Variants in PID1 observed in about 807,000 individuals in gnomAD.
PID1 encodes the protein PTB-containing, cubilin and LRP1-interacting protein.
In PID1, 10 loss-of-function variants were observed where a neutral mutation model predicts 19.1. The ratio of observed to expected loss-of-function variants is 0.52; its 90% CI spans 0.32 to 0.89. The LOEUF is 0.89. PID1 is among the 40% of genes least tolerant of loss of function. The pLI is 0.03. For missense variants in PID1, 248 were observed against 285.3 expected, an observed-to-expected ratio of 0.87 and a Z score of 0.94; for synonymous variants, 130 against 116.0, an observed-to-expected ratio of 1.12 and a Z score of -0.78.
chr2:229,137,828 T>C (rs770222323), intron 2 of PID1, among the ~76,000 whole-genome samples: 1 of 152,166 alleles, frequency 6.6e-6, no homozygotes, highest in African/African-American at 2.4e-5. Flanking sequence ...CATACACACA[T>C]CAAGGCCATT....
chr2:229,028,835 C>G (rs1693482325), intron 2 of PID1, among the ~76,000 whole-genome samples: 1 of 152,132 alleles, frequency 6.6e-6, no homozygotes. Context: ...GAGCTGTTGC[C>G]CAAACAATTT....
At chr2:229,181,726 C>A (rs746084663) in intron 1 of PID1, among the ~76,000 whole-genome samples, 1 of 151,880 alleles carries the variant, frequency 6.6e-6, no homozygotes, top group South Asian at 2.1e-4. Flanking sequence ...TGACATGCTG[C>A]TTTATTTCTC....
chr2:229,196,852 T>C (rs774111124), intron 1 of PID1, among the ~76,000 whole-genome samples: 1 of 152,114 alleles, frequency 6.6e-6, no homozygotes, highest in African/African-American at 2.4e-5. Context: ...ATGCATTTCC[T>C]AGGGCAGACA....
chr2:229,081,733 C>T (rs983304271), intron 2 of PID1, among the ~76,000 whole-genome samples: 7 of 152,094 alleles, frequency 4.6e-5, no homozygotes, highest in African/African-American at 1.7e-4. Context: ...CAAGGGAAGC[C>T]AAGGAGTGCA....
chr2:229,079,020 C>T (rs1165459539), intron 2 of PID1, among the ~76,000 whole-genome samples: 3 of 152,106 alleles, frequency 2.0e-5, no homozygotes, highest in African/African-American at 7.2e-5. Context: ...CAAAGTAGAA[C>T]TGTATGTAAT....
intron 1 of PID1, among the ~76,000 whole-genome samples, chr2:229,188,196 G>C (rs1430645948): frequency 2.0e-5 from 3 of 151,792 alleles, no homozygotes; most frequent in African/African-American, 7.3e-5. Flanking sequence ...AGTTGACTCT[G>C]ACCTATCCTG....
At chr2:229,149,680 G>A (rs1206792633) in intron 2 of PID1, among the ~76,000 whole-genome samples, 1 of 152,202 alleles carries the variant, frequency 6.6e-6, no homozygotes, top group Non-Finnish European at 1.5e-5. Context: ...TGGTTTGTTT[G>A]ACAGTTACCC....
intron 1 of PID1, chr2:229,231,847 C>T: frequency 6.5e-7 from 1 of 1,542,720 alleles, no homozygotes; most frequent in Non-Finnish European, 8.7e-7. Context: ...ACCTCCTTGT[C>T]TTAATCTGTT....
intron 1 of PID1, among the ~76,000 whole-genome samples, chr2:229,260,817 ATTT>A (rs66533277): frequency 4.1e-4 from 47 of 114,638 alleles, no homozygotes; most frequent in Middle Eastern, 4.4e-3. Flanking sequence ...TCTGATTGCC[ATTT>A]TTTTTTTTTT....
intron 1 of PID1, among the ~76,000 whole-genome samples, chr2:229,243,096 G>A (rs989668364): frequency 1.3e-5 from 2 of 152,132 alleles, no homozygotes; most frequent in Non-Finnish European, 2.9e-5. Flanking sequence ...GGCTGGGGAG[G>A]CCTCACAATC....
chr2:229,248,235 T>C (rs986394045), intron 1 of PID1, among the ~76,000 whole-genome samples: 7 of 152,230 alleles, frequency 4.6e-5, no homozygotes, highest in Admixed American at 3.3e-4. Flanking sequence ...TCATGTCTAC[T>C]CAATCTGGAC....
chr2:229,263,825 T>C (rs1373591808), intron 1 of PID1, among the ~76,000 whole-genome samples: 2 of 152,226 alleles, frequency 1.3e-5, no homozygotes, highest in African/African-American at 4.8e-5. Context: ...ACCAGTCTGC[T>C]GGCTATGAAC....
intron 2 of PID1, among the ~76,000 whole-genome samples, chr2:229,154,758 A>G (rs1310845541): frequency 6.6e-6 from 1 of 152,234 alleles, no homozygotes; most frequent in Non-Finnish European, 1.5e-5. Context: ...TATGAAAGAA[A>G]TCCATATACA....
At chr2:229,135,838 G>A (rs959500872) in intron 2 of PID1, among the ~76,000 whole-genome samples, 4 of 152,284 alleles carry the variant, frequency 2.6e-5, no homozygotes, top group Middle Eastern at 3.4e-3. Flanking sequence ...CAGATTATTA[G>A]CAACATGCTC....
chr2:229,133,676 T>C (rs572580276), intron 2 of PID1, among the ~76,000 whole-genome samples: 6 of 152,240 alleles, frequency 3.9e-5, no homozygotes, highest in Non-Finnish European at 8.8e-5. Flanking sequence ...ACCTCTTCCA[T>C]TGATATGAGC....
At chr2:229,139,037 AAGAGAAAGAAAGAAAGAAAGAG>A (rs1559251375) in intron 2 of PID1, among the ~76,000 whole-genome samples, 1 of 55,402 alleles carries the variant, frequency 1.8e-5, no homozygotes, top group African/African-American at 6.5e-5. Flanking sequence ...GAAAGAAAGA[AAGAGAAAGAAAGAAAGAAAGAG>A]AAAGAAAGAA....
At chr2:229,259,475 T>C (rs1425248122) in intron 1 of PID1, among the ~76,000 whole-genome samples, 12 of 152,246 alleles carry the variant, frequency 7.9e-5, no homozygotes, top group Admixed American at 5.9e-4. Context: ...ATCATCTTGA[T>C]TGCAGTAATG....
chr2:229,124,858 C>A (rs796194205), intron 2 of PID1, among the ~76,000 whole-genome samples: 1 of 152,176 alleles, frequency 6.6e-6, no homozygotes, highest in South Asian at 2.1e-4. Context: ...CCTTAACCAG[C>A]AAAAGAATCT....
Position 229,215,292 on chromosome 2 carries a change from G to A in PID1, c.30+55722C>T, listed in dbSNP as rs12997236. Reference sequence around the variant, plus strand: ...TTTATTGAAAATCGGTACTTTCTGTGACTCTATTTGAGTCTTTTGCCCATT... The same window carrying A: ...TTTATTGAAAATCGGTACTTTCTGTAACTCTATTTGAGTCTTTTGCCCATT... On this transcript the variant is annotated intron_variant, in intron 1 of 2. Transcript: ENST00000392055. Among the ~76,000 whole-genome samples the A allele has an allele frequency of 3.9e-3, 596 of 152,288 alleles. 1 individual carries two copies. Among genetic ancestry groups the A allele is most frequent in the Non-Finnish European group, 6.3e-3 (426 of 68,030 alleles).
Sources: gnomAD v4.1 joint callset for allele counts (sites outside exome capture counted in the v4.1 genomes callset) on GRCh38, gnomAD v4.1.1 for gene constraint, MANE v1.5 for transcripts, NCBI Gene and HGNC (gene_info 2026-07-23, HGNC 2026-07-21) for gene names.